Variants in TGFB1I1 observed in about 807,000 individuals in gnomAD.
TGFB1I1 encodes transforming growth factor beta 1 induced transcript 1, also known as transforming growth factor beta-1-induced transcript 1 protein.
TGFB1I1 carries 33 observed loss-of-function variants against 52.0 expected under a neutral mutation model. That is an observed-to-expected ratio of 0.63 (90% CI 0.48 to 0.85). TGFB1I1 has a LOEUF of 0.85. Ranked by LOEUF, TGFB1I1 falls within the 40% of genes least tolerant of loss-of-function variation. The pLI is 0.00. For missense variants in TGFB1I1, 577 were observed against 614.9 expected, an observed-to-expected ratio of 0.94 and a Z score of 0.65; for synonymous variants, 236 against 253.3, an observed-to-expected ratio of 0.93 and a Z score of 0.65.
Position 31,476,371 on chromosome 16 carries a change from C to A in TGFB1I1, c.889-110C>A. The A allele has an allele frequency of 7.9e-7, 1 of 1,264,164 alleles. No individual in the cohort carries two copies. Among genetic ancestry groups the A allele is most frequent in the Non-Finnish European group, 1.1e-6 (1 of 908,508 alleles). 78.3% of individuals were successfully genotyped at this position (1,264,164 alleles called of 1,614,324 possible). ...CTGACCCCCACGTTCCTAGTTAGAT[C>A]TTCTCCCCCTCCCCCCACGCATGCC... On this transcript the variant is annotated intron_variant, in intron 8 of 10. Coordinates refer to ENST00000394863, the MANE Select transcript of TGFB1I1 (RefSeq NM_001042454.3). The surrounding 1 kb of genome is among the most constrained non-coding windows in gnomAD (Gnocchi z 7.6).
At position 31,477,685 on chromosome 16, in the gene TGFB1I1, G is replaced by C; in HGVS notation, c.*109G>C. The C allele has an allele frequency of 7.2e-7, 1 of 1,394,974 alleles. No individual in the cohort carries two copies. The highest frequency in any genetic ancestry group is 9.5e-7 in the Non-Finnish European group (1 of 1,056,844). The allele number at this position is 1,394,974 out of a possible 1,614,324, so 86.4% of individuals were successfully genotyped here. A position where few individuals can be genotyped will look rare whatever the true frequency, so the allele number is the denominator to read the frequency against. ...AGAGCGGGAGGCCCCACCCACTGGA[G>C]AGCCCCGCCCCTAAGGTACTATGAG... On this transcript the variant is annotated 3_prime_UTR_variant, in exon 11 of 11. Transcript: ENST00000394863. This position sits in a 1 kb window ranked among gnomAD's most constrained non-coding sequence, Gnocchi z 4.7.
rs1454506082 is a variant in TGFB1I1, at chr16:31,474,021, G to A, written c.325+44G>A. The A allele has an allele frequency of 6.2e-7, 1 of 1,608,278 alleles. No homozygotes were observed. Among genetic ancestry groups the A allele is most frequent in the Non-Finnish European group, 8.5e-7 (1 of 1,175,022 alleles). On this transcript the variant is annotated intron_variant, in intron 4 of 10. Coordinates refer to ENST00000394863, the MANE Select transcript of TGFB1I1 (RefSeq NM_001042454.3). This position sits in a 1 kb window ranked among gnomAD's most constrained non-coding sequence, Gnocchi z 4.2. ...GAGGCCTTGATGCGATAGGGGCAGG[G>A]GAGGGAAGGGTGGGGCAGAGACTAA...
Position 31,474,625 on chromosome 16 carries a change from C to T in TGFB1I1, c.582C>T (p.Ser194=), listed in dbSNP as rs759460675. The T allele has an allele frequency of 2.2e-5, 35 of 1,611,874 alleles. No individual in the cohort carries two copies. The highest frequency in any genetic ancestry group is 2.7e-5 in the Non-Finnish European group (32 of 1,178,664). ...VVSSTNEGSP[S]PPEPTGKGSL... ...GCTCCACAAATGAGGGCTCCCCATC[C>T]CCACCAGAGCCGACTGGCAAGGGCA... The change falls in exon 7 of 11, where the codon TCC becomes TCT. Residue 194 remains serine, a synonymous_variant. Transcript: ENST00000394863. The surrounding 1 kb of genome is among the most constrained non-coding windows in gnomAD (Gnocchi z 4.2).
chr16:31,473,564 C>T lies in TGFB1I1; in HGVS notation c.129+8C>T, dbSNP rs1471072858. The T allele has an allele frequency of 3.7e-6, 6 of 1,613,376 alleles. No homozygotes were observed. The East Asian group carries it at 1.1e-4, about 30-fold the overall frequency. Reference sequence around the variant, plus strand: ...TATGGCCACCAGCCACAGGTGAGATCGGATGTTGGGGACTGGGGCAGCCAC... The same window carrying T: ...TATGGCCACCAGCCACAGGTGAGATTGGATGTTGGGGACTGGGGCAGCCAC... On this transcript the variant is annotated splice_region_variant and intron_variant, in intron 2 of 10. Coordinates refer to ENST00000394863, the MANE Select transcript of TGFB1I1 (RefSeq NM_001042454.3).
Position 31,477,349 on chromosome 16 carries a change from C to G in TGFB1I1, c.1159C>G (p.His387Asp). 1 of 1,611,486 alleles carries G rather than the reference C, an allele frequency of 6.2e-7. No individual in the cohort carries two copies. Among genetic ancestry groups the G allele is most frequent in the Non-Finnish European group, 8.5e-7 (1 of 1,178,932 alleles). The change falls in exon 11 of 11, where the codon CAC (histidine) becomes GAC (aspartate). Residue 387 changes from histidine to aspartate, a missense_variant. His to Asp is a moderately conservative substitution (Grantham distance 81, BLOSUM62 -1). Transcript: ENST00000394863. This position sits in a 1 kb window ranked among gnomAD's most constrained non-coding sequence, Gnocchi z 4.7. The stretch of plus-strand genomic sequence containing the variant: ...CTTCTCGGGAGGCAGCTTTTTCGAG[C>G]ACGAGGGCCGCCCGTTGTGCGAGAA... ...APFSGGSFFE[H>D]EGRPLCENHF...
Position 31,476,323 on chromosome 16 carries a change from C to T in TGFB1I1, c.888+138C>T. ...CCTTCCCCTTGGCAATGTCCACGGC[C>T]CCTTGGACTCCACTCTTCCTTTCTG... is the stretch of plus-strand genomic sequence containing the variant. On this transcript the variant is annotated intron_variant, in intron 8 of 10. Coordinates refer to ENST00000394863, the MANE Select transcript of TGFB1I1 (RefSeq NM_001042454.3). This position sits in a 1 kb window ranked among gnomAD's most constrained non-coding sequence, Gnocchi z 7.6. 1 of 1,279,302 alleles carries T rather than the reference C, an allele frequency of 7.8e-7. No homozygotes were observed. Among genetic ancestry groups the T allele is most frequent in the Non-Finnish European group, 1.1e-6 (1 of 928,842 alleles). 79.2% of individuals were successfully genotyped at this position (1,279,302 alleles called of 1,614,324 possible). A position where few individuals can be genotyped will look rare whatever the true frequency, so the allele number is the denominator to read the frequency against.
chr16:31,476,767 G>C lies in TGFB1I1; in HGVS notation c.971-95G>C. 1.3e-6 allele frequency: 2 copies of C among 1,566,342 alleles called. No homozygotes were observed. Among genetic ancestry groups the C allele is most frequent in the Non-Finnish European group, 8.6e-7 (1 of 1,157,982 alleles). The stretch of plus-strand genomic sequence containing the variant: ...GCTCCTCCTTCCCCAAGGCTCCCTC[G>C]GACTGCCCCTCCTTCGGCCCCAGAT... On this transcript the variant is annotated intron_variant, in intron 9 of 10. Transcript: ENST00000394863. The surrounding 1 kb of genome is among the most constrained non-coding windows in gnomAD (Gnocchi z 7.6).
Position 31,477,228 on chromosome 16 carries a change from A to T in TGFB1I1, c.1120-82A>T. 6.5e-7 allele frequency: 1 copy of T among 1,528,348 alleles called. No homozygotes were observed. The highest frequency in any genetic ancestry group is 2.3e-5 in the East Asian group (1 of 43,378). The allele number at this position is 1,528,348 out of a possible 1,614,324, so 94.7% of individuals were successfully genotyped here. A position where few individuals can be genotyped will look rare whatever the true frequency, so the allele number is the denominator to read the frequency against. On this transcript the variant is annotated intron_variant, in intron 10 of 10. Coordinates refer to ENST00000394863, the MANE Select transcript of TGFB1I1 (RefSeq NM_001042454.3). This position sits in a 1 kb window ranked among gnomAD's most constrained non-coding sequence, Gnocchi z 4.7. ...CGTCTAGGGCGGGCTGCGGGGTCCC[A>T]GGGCGTTATCCGCTAGTAACGCGCG... is the stretch of plus-strand genomic sequence containing the variant.
rs2082432618 is a variant in TGFB1I1 at position 31,477,353 on chromosome 16, AG to A, written c.1166del (p.Gly389AlafsTer24). 6.2e-7 allele frequency: 1 copy of A among 1,611,470 alleles called. No homozygotes were observed. The highest frequency in any genetic ancestry group is 8.5e-7 in the Non-Finnish European group (1 of 1,178,996). On this transcript the variant is annotated frameshift_variant, in exon 11 of 11. Coordinates refer to ENST00000394863, the MANE Select transcript of TGFB1I1 (RefSeq NM_001042454.3). LOFTEE classifies it high-confidence loss of function. This position sits in a 1 kb window ranked among gnomAD's most constrained non-coding sequence, Gnocchi z 4.7. ...PFSGGSFFEH[E>X]GRPLCENHFH... ...TCGGGAGGCAGCTTTTTCGAGCACG[AG>A]GGCCGCCCGTTGTGCGAGAACCACT...
rs1227456551 is a variant in TGFB1I1 at position 31,474,118 on chromosome 16, C to G, written c.326-34C>G. The G allele has an allele frequency of 2.5e-6, 4 of 1,611,756 alleles. No homozygotes were observed. In the South Asian group the frequency reaches 4.4e-5, roughly 18 times the overall value. ...AAGTGTGAGGGTGCGTTGAGCATGGCCCTATATGTAGCGTCCTCCTCTCCT... is the reference window on the plus strand; with the variant it reads ...AAGTGTGAGGGTGCGTTGAGCATGGGCCTATATGTAGCGTCCTCCTCTCCT... On this transcript the variant is annotated intron_variant, in intron 4 of 10. Transcript: ENST00000394863. This position sits in a 1 kb window ranked among gnomAD's most constrained non-coding sequence, Gnocchi z 4.2.
intron 1 of TGFB1I1, 39 bp downstream of exon 1, chr16:31,472,240 C>G (rs752927450): frequency 5.4e-6 from 8 of 1,468,522 alleles, no homozygotes; most frequent in Non-Finnish European, 6.3e-6. Context: ...GGCCCCTCAC[C>G]GCTGCCCAGA....
Position 31,477,183 on chromosome 16 carries a change from C to T in TGFB1I1, c.1120-127C>T, listed in dbSNP as rs1567384314. Reference sequence around the variant, plus strand: ...TGGGGCGAGTTTTCCGGGCAGGGTCCCACCGGACGGGATTCTTCGCGTCTA... The same window carrying T: ...TGGGGCGAGTTTTCCGGGCAGGGTCTCACCGGACGGGATTCTTCGCGTCTA... On this transcript the variant is annotated intron_variant, in intron 10 of 10. Transcript: ENST00000394863. The surrounding 1 kb of genome is among the most constrained non-coding windows in gnomAD (Gnocchi z 4.7). 1 of 1,449,000 alleles carries T rather than the reference C, an allele frequency of 6.9e-7. No homozygotes were observed. The highest frequency in any genetic ancestry group is 9.2e-7 in the Non-Finnish European group (1 of 1,086,896). 89.8% of individuals were successfully genotyped at this position (1,449,000 alleles called of 1,614,324 possible).
chr16:31,477,476 T>C lies in TGFB1I1; in HGVS notation c.1286T>C (p.Phe429Ser), dbSNP rs2082433999. ...ALGRRFHPDH[F>S]TCTFCLRPLT... ...GGTCGCCGCTTCCACCCGGACCACT[T>C]CACATGCACCTTCTGCCTGCGCCCG... is the stretch of plus-strand genomic sequence containing the variant. Residue 429 changes from phenylalanine to serine, a missense_variant, in exon 11 of 11, where the codon TTC (phenylalanine) becomes TCC (serine). By Grantham distance (155) the Phe-to-Ser change is radical. This residue lies in a region of TGFB1I1 where 456 missense variants were observed against 461.6 expected (regional missense o/e 0.99). Transcript: ENST00000394863. The surrounding 1 kb of genome is among the most constrained non-coding windows in gnomAD (Gnocchi z 4.7). 1 of 1,604,900 alleles carries C rather than the reference T, an allele frequency of 6.2e-7. No individual in the cohort carries two copies. The highest frequency in any genetic ancestry group is 1.3e-5 in the African/African-American group (1 of 74,682).
At chr16:31,472,291 T>G in intron 1 of TGFB1I1, 90 bp downstream of exon 1, 1 of 1,396,812 alleles carries the variant, frequency 7.2e-7, no homozygotes, top group Non-Finnish European at 9.3e-7. Flanking sequence ...TCCCCATCCC[T>G]GTCTTCTTAC....
At chr16:31,473,024 G>A (rs760471085) in intron 1 of TGFB1I1, 37 of 190,672 alleles carry the variant, frequency 1.9e-4, no homozygotes, top group Non-Finnish European at 2.2e-4. Context: ...GGGACTCAGG[G>A]GCCTGGGAGT....
Position 31,477,164 on chromosome 16 carries a change from G to A in TGFB1I1, c.1120-146G>A, listed in dbSNP as rs1240165994. 7.0e-7 allele frequency: 1 copy of A among 1,427,078 alleles called. No homozygotes were observed. Among genetic ancestry groups the A allele is most frequent in the Non-Finnish European group, 9.3e-7 (1 of 1,072,744 alleles). The allele number at this position is 1,427,078 out of a possible 1,614,324, so 88.4% of individuals were successfully genotyped here. A position where few individuals can be genotyped will look rare whatever the true frequency, so the allele number is the denominator to read the frequency against. ...TGCTGCTAGGAACCTCGGGTGGGGC[G>A]AGTTTTCCGGGCAGGGTCCCACCGG... is the stretch of plus-strand genomic sequence containing the variant. On this transcript the variant is annotated intron_variant, in intron 10 of 10. Transcript: ENST00000394863. The surrounding 1 kb of genome is among the most constrained non-coding windows in gnomAD (Gnocchi z 4.7).
In TGFB1I1 at chr16:31,477,164, G is replaced by C; in HGVS notation, c.1120-146G>C. The C allele has an allele frequency of 2.1e-6, 3 of 1,427,196 alleles. No homozygotes were observed. The highest frequency in any genetic ancestry group is 2.8e-6 in the Non-Finnish European group (3 of 1,072,736). 88.4% of individuals were successfully genotyped at this position (1,427,196 alleles called of 1,614,324 possible). ...TGCTGCTAGGAACCTCGGGTGGGGC[G>C]AGTTTTCCGGGCAGGGTCCCACCGG... On this transcript the variant is annotated intron_variant, in intron 10 of 10. Transcript: ENST00000394863. This position sits in a 1 kb window ranked among gnomAD's most constrained non-coding sequence, Gnocchi z 4.7.
chr16:31,475,926 G>T, intron 7 of TGFB1I1, 86 bp from the exon 8 acceptor site: 1 of 1,395,732 alleles, frequency 7.2e-7, no homozygotes. Flanking sequence ...CGCTCAGAGA[G>T]GACTCGAAAA....
rs2082407512 is a variant in TGFB1I1, at chr16:31,474,088, G to A, written c.326-64G>A. On this transcript the variant is annotated intron_variant, in intron 4 of 10. Transcript: ENST00000394863. This position sits in a 1 kb window ranked among gnomAD's most constrained non-coding sequence, Gnocchi z 4.2. The stretch of plus-strand genomic sequence containing the variant: ...AGAGTAGCAGTTAAAGGGACCTAAA[G>A]CCTCAAGTGTGAGGGTGCGTTGAGC... The A allele has an allele frequency of 6.2e-7, 1 of 1,610,818 alleles. No homozygotes were observed. The highest frequency in any genetic ancestry group is 8.5e-7 in the Non-Finnish European group (1 of 1,177,536).
Sources: gnomAD v4.1 joint callset for allele counts on GRCh38, gnomAD v4.1.1 for gene constraint, gnomAD v4.1.1 regional missense constraint, Gnocchi (gnomAD v3.1) non-coding constraint, MANE v1.5 for transcripts, NCBI Gene and HGNC (gene_info 2026-07-23, HGNC 2026-07-21) for gene names.